The following CDC14A variants were observed in gnomAD, a reference collection of about 807,000 sequenced individuals.
CDC14A encodes dual specificity protein phosphatase CDC14A.
Under a neutral mutation model 74.4 loss-of-function variants are expected in CDC14A, and 53 were observed. That is an observed-to-expected ratio of 0.71 (90% confidence interval 0.57 to 0.89). The LOEUF is 0.89. Ranked by LOEUF, CDC14A falls within the 40% of genes least tolerant of loss-of-function variation. CDC14A has a pLI of 0.00. For missense variants in CDC14A, 646 were observed against 713.7 expected, an observed-to-expected ratio of 0.91 and a Z score of 1.08; for synonymous variants, 247 against 258.4, an observed-to-expected ratio of 0.96 and a Z score of 0.43.
At chr1:100,410,386 A>G (rs924330384) in intron 4 of CDC14A, among the ~76,000 whole-genome samples, 15 of 152,106 alleles carry the variant, frequency 9.9e-5, no homozygotes, top group African/African-American at 3.6e-4. Context: ...CGGTGGCACA[A>G]TCTCAGCTCA....
At chr1:100,444,197 C>T (rs911562721) in intron 7 of CDC14A, among the ~76,000 whole-genome samples, 1 of 152,192 alleles carries the variant, frequency 6.6e-6, no homozygotes, top group Non-Finnish European at 1.5e-5. Flanking sequence ...GTATTCGGAT[C>T]ACTTCTACTG....
At chr1:100,431,601 G>A (rs1041554139) in intron 5 of CDC14A, among the ~76,000 whole-genome samples, 1 of 151,978 alleles carries the variant, frequency 6.6e-6, no homozygotes, top group African/African-American at 2.4e-5. Context: ...CAGTGCTTTA[G>A]GAGGCCGAGG....
At chr1:100,434,735 G>GT (rs571557424) in intron 5 of CDC14A, among the ~76,000 whole-genome samples, 58 of 151,266 alleles carry the variant, frequency 3.8e-4, no homozygotes, top group South Asian at 1.9e-3. Context: ...CGTTGCAGTT[G>GT]TTTTTTTTTG....
chr1:100,376,554 G>A (rs1357977992), intron 2 of CDC14A, among the ~76,000 whole-genome samples: 1 of 152,158 alleles, frequency 6.6e-6, no homozygotes, highest in Non-Finnish European at 1.5e-5. Context: ...TCCAGGTGAC[G>A]GAAGGGCCTG....
At chr1:100,480,719 G>A (rs988530944) in intron 10 of CDC14A, among the ~76,000 whole-genome samples, 3 of 152,178 alleles carry the variant, frequency 2.0e-5, no homozygotes, top group Non-Finnish European at 4.4e-5. Flanking sequence ...TTAGAGATGG[G>A]GGAAAAGGTA....
At chr1:100,403,939 C>T (rs745786506) in intron 4 of CDC14A, among the ~76,000 whole-genome samples, 16 of 152,074 alleles carry the variant, frequency 1.1e-4, no homozygotes, top group Admixed American at 8.5e-4. Context: ...AATCTTAAAC[C>T]TTAGGTTTAT....
rs60569646 is a variant in CDC14A at position 100,429,234 on chromosome 1, T to TAAATAAAA, written c.389+4934_389+4935insAATAAAAA. On this transcript the variant is annotated intron_variant, in intron 5 of 15. Coordinates refer to ENST00000336454, the MANE Select transcript of CDC14A (RefSeq NM_003672.4). ...ATAAATAAATAAATAAATAAATAAA[T>TAAATAAAA]ATAAAATAAAATGACATATACAATT... 2.8e-4 allele frequency among the ~76,000 whole-genome samples: 41 copies of TAAATAAAA among 146,494 alleles called. 1 individual carries two copies. The highest frequency in any genetic ancestry group is 6.9e-4 in the African/African-American group (27 of 39,392).
chr1:100,378,784 T>C (rs1655660801), intron 3 of CDC14A, among the ~76,000 whole-genome samples: 1 of 152,226 alleles, frequency 6.6e-6, no homozygotes, highest in Admixed American at 6.5e-5. Context: ...TTTACTCAAC[T>C]TTTGTAGGAA....
At chr1:100,445,204 CA>C (rs1366735117) in intron 7 of CDC14A, among the ~76,000 whole-genome samples, 11 of 151,982 alleles carry the variant, frequency 7.2e-5, no homozygotes, top group Non-Finnish European at 1.3e-4. Context: ...TGTAATAAAA[CA>C]AACAATAGTA....
rs746471589 is a variant in CDC14A, at chr1:100,455,506, T to C, written c.607+14T>C. The C allele has an allele frequency of 5.2e-6, 7 of 1,358,802 alleles. No homozygotes were observed. The highest frequency in any genetic ancestry group is 7.2e-6 in the Non-Finnish European group (7 of 970,312). The allele number at this position is 1,358,802 out of a possible 1,614,324, so 84.2% of individuals were successfully genotyped here. A position where few individuals can be genotyped will look rare whatever the true frequency, so the allele number is the denominator to read the frequency against. On this transcript the variant is annotated intron_variant, in intron 8 of 15. Coordinates refer to ENST00000336454, the MANE Select transcript of CDC14A (RefSeq NM_003672.4). The stretch of plus-strand genomic sequence containing the variant: ...AAATTGAGAATGGTAGGTTTTTTTT[T>C]CCTTTACCATCCAAACATTTATTTT...
intron 11 of CDC14A, among the ~76,000 whole-genome samples, chr1:100,493,539 A>T (rs1157301655): frequency 6.6e-6 from 1 of 152,150 alleles, no homozygotes; most frequent in Non-Finnish European, 1.5e-5. Context: ...GAATGGTAAA[A>T]CTGATTTCTG....
intron 4 of CDC14A, among the ~76,000 whole-genome samples, chr1:100,404,861 AC>A (rs201993947): frequency 0.086 from 10,551 of 122,390 alleles, 787 homozygotes; most frequent in African/African-American, 0.2. Flanking sequence ...ACAAAACAAA[AC>A]AAAAAACTAA....
In CDC14A at chr1:100,520,184, T is replaced by C. The variant is rs1231995867; in HGVS notation, c.*1904T>C. 6.6e-6 allele frequency: 1 copy of C among 152,600 alleles called. No homozygotes were observed. Among genetic ancestry groups the C allele is most frequent in the Non-Finnish European group, 1.5e-5 (1 of 67,976 alleles). 9.5% of individuals were successfully genotyped at this position (152,600 alleles called of 1,614,324 possible). A position where few individuals can be genotyped will look rare whatever the true frequency, so the allele number is the denominator to read the frequency against. On this transcript the variant is annotated 3_prime_UTR_variant, in exon 16 of 16. Transcript: ENST00000336454. ...TAAAAATTGTTTGACATGTATTTTG[T>C]TATGAATAGTTTATCTTCCAAAAGA... is the stretch of plus-strand genomic sequence containing the variant.
intron 10 of CDC14A, among the ~76,000 whole-genome samples, chr1:100,483,761 T>G (rs1263950399): frequency 6.6e-6 from 1 of 152,200 alleles, no homozygotes; most frequent in African/African-American, 2.4e-5. Context: ...TAATTGAGGA[T>G]ATAAGCCTTG....
chr1:100,381,927 A>C (rs1656163589), intron 3 of CDC14A, among the ~76,000 whole-genome samples: 1 of 152,186 alleles, frequency 6.6e-6, no homozygotes, highest in Admixed American at 6.5e-5. Context: ...AATTTGTTAA[A>C]CTGTGTATGT....
At chr1:100,517,705 A>G (rs897361474) in intron 15 of CDC14A, among the ~76,000 whole-genome samples, 6 of 152,196 alleles carry the variant, frequency 3.9e-5, no homozygotes, top group African/African-American at 1.4e-4. Context: ...GGGTCTTAAG[A>G]TCAGATTTCA....
chr1:100,439,157 C>T (rs562905284), intron 5 of CDC14A, among the ~76,000 whole-genome samples: 2 of 152,334 alleles, frequency 1.3e-5, no homozygotes, highest in East Asian at 3.9e-4. Flanking sequence ...ATTTTCACCA[C>T]GGTAGGTTCC....
intron 5 of CDC14A, among the ~76,000 whole-genome samples, chr1:100,426,245 T>G (rs1662945450): frequency 6.6e-6 from 1 of 152,172 alleles, no homozygotes; most frequent in African/African-American, 2.4e-5. Flanking sequence ...CCTGAATAGC[T>G]GGAATTGGAG....
At chr1:100,357,667 G>A (rs906131684) in intron 2 of CDC14A, among the ~76,000 whole-genome samples, 5 of 150,856 alleles carry the variant, frequency 3.3e-5, no homozygotes, top group African/African-American at 9.7e-5. Flanking sequence ...AGGCTGAGGC[G>A]ACAGGATTGC....
Sources: gnomAD v4.1 joint callset for allele counts (sites outside exome capture counted in the v4.1 genomes callset) on GRCh38, gnomAD v4.1.1 for gene constraint, MANE v1.5 for transcripts, NCBI Gene and HGNC (gene_info 2026-07-23, HGNC 2026-07-21) for gene names.